The following NRXN3 variants were observed in gnomAD, a reference collection of about 807,000 sequenced individuals.
NRXN3 encodes the protein neurexin III.
NRXN3 carries 32 observed loss-of-function variants against 137.6 expected under a neutral mutation model. The ratio of observed to expected loss-of-function variants is 0.23; its 90% CI spans 0.18 to 0.31. NRXN3 has a LOEUF of 0.31. Among genes scored for constraint, NRXN3 ranks in the 10% least tolerant of loss-of-function variants. The pLI is 1.00. For synonymous variants in NRXN3, 798 were observed against 784.5 expected, an observed-to-expected ratio of 1.02 and a Z score of -0.29; for missense variants, 1,574 against 2,062.5, an observed-to-expected ratio of 0.76 and a Z score of 4.59.
At chr14:79,724,690 C>T (rs1459912981) in intron 19 of NRXN3, among the ~76,000 whole-genome samples, 1 of 152,058 alleles carries the variant, frequency 6.6e-6, no homozygotes, top group Non-Finnish European at 1.5e-5. Context: ...TGGAGAAAAA[C>T]AACCAATTTT....
intron 15 of NRXN3, among the ~76,000 whole-genome samples, chr14:79,317,710 A>G (rs2089140085): frequency 6.6e-6 from 1 of 152,246 alleles, no homozygotes; most frequent in African/African-American, 2.4e-5. Context: ...AGTGGGATAC[A>G]TACATTGGAG....
chr14:78,975,623 A>G (rs1369791526), intron 14 of NRXN3, among the ~76,000 whole-genome samples: 1 of 152,158 alleles, frequency 6.6e-6, no homozygotes, highest in Non-Finnish European at 1.5e-5. Flanking sequence ...AGAAACAGAG[A>G]GCAGATTCAG....
At position 79,823,359 on chromosome 14, in the gene NRXN3, G is replaced by A. The variant is rs534185819; in HGVS notation, c.4093+18169G>A. Among the ~76,000 whole-genome samples, 100 of 152,224 alleles carry A rather than the reference G, an allele frequency of 6.6e-4. 1 individual carries two copies. The South Asian group carries it at 0.019, about 28-fold the overall frequency. ...TGTAAGAATTGTATTATCAATAACA[G>A]ACTTAACAGTGATTATCTCTAGGTG... is the stretch of plus-strand genomic sequence containing the variant. On this transcript the variant is annotated intron_variant, in intron 20 of 20. Coordinates refer to ENST00000335750, the MANE Select transcript of NRXN3 (RefSeq NM_001330195.2).
intron 4 of NRXN3, among the ~76,000 whole-genome samples, chr14:78,307,622 T>C (rs913100219): frequency 3.3e-5 from 5 of 152,158 alleles, no homozygotes; most frequent in Admixed American, 2.0e-4. Flanking sequence ...TTCTCTTTTT[T>C]CCTAAGGCAT....
At chr14:79,404,463 C>T (rs901801516) in intron 15 of NRXN3, among the ~76,000 whole-genome samples, 2 of 152,014 alleles carry the variant, frequency 1.3e-5, no homozygotes, top group African/African-American at 4.8e-5. Context: ...GTTTTTCTCT[C>T]CTATTCCACA....
intron 6 of NRXN3, among the ~76,000 whole-genome samples, chr14:78,654,377 G>A (rs1207181574): frequency 6.6e-6 from 1 of 152,176 alleles, no homozygotes; most frequent in African/African-American, 2.4e-5. Flanking sequence ...AATGAAACAA[G>A]GTGATTTTAT....
Position 79,532,631 on chromosome 14 carries a change from C to T in NRXN3, c.3444+65229C>T, listed in dbSNP as rs189449424. ...ATCATTTTCGATGTGTTCCATGATG[C>T]GAAAAAGTTAGAGAAGTACCATAGG... On this transcript the variant is annotated intron_variant, in intron 16 of 20. Coordinates refer to ENST00000335750, the MANE Select transcript of NRXN3 (RefSeq NM_001330195.2). Among the ~76,000 whole-genome samples, 125 of 152,164 alleles carry T rather than the reference C, an allele frequency of 8.2e-4. No individual in the cohort carries two copies. In the Middle Eastern group the frequency reaches 0.017, roughly 21 times the overall value.
At chr14:79,794,224 C>T (rs972256553) in intron 19 of NRXN3, among the ~76,000 whole-genome samples, 53 of 152,074 alleles carry the variant, frequency 3.5e-4, no homozygotes, top group Non-Finnish European at 6.2e-4. Context: ...ATTAGCAGGG[C>T]GTGGTGGCAG....
At chr14:79,564,646 G>A (rs1176218102) in intron 16 of NRXN3, among the ~76,000 whole-genome samples, 1 of 152,126 alleles carries the variant, frequency 6.6e-6, no homozygotes, top group Non-Finnish European at 1.5e-5. Flanking sequence ...TTTTCTGTGA[G>A]TGGTGCTGAA....
intron 10 of NRXN3, among the ~76,000 whole-genome samples, chr14:78,900,036 G>A (rs2099190414): frequency 6.6e-6 from 1 of 151,616 alleles, no homozygotes; most frequent in South Asian, 2.1e-4. Context: ...TTTTCACTTT[G>A]GTTTTCCCCA....
chr14:78,918,170 A>T (rs1567699604), intron 10 of NRXN3, among the ~76,000 whole-genome samples: 1 of 150,912 alleles, frequency 6.6e-6, no homozygotes, highest in South Asian at 2.1e-4. Context: ...CCGTAATCCC[A>T]GCTATTCAGG....
intron 8 of NRXN3, among the ~76,000 whole-genome samples, chr14:78,758,118 C>T (rs1218104997): frequency 6.6e-6 from 1 of 152,228 alleles, no homozygotes; most frequent in East Asian, 1.9e-4. Flanking sequence ...GCAAAATGAA[C>T]ATAGCCTTGT....
At chr14:79,696,611 G>C (rs1028541877) in intron 18 of NRXN3, among the ~76,000 whole-genome samples, 2 of 151,868 alleles carry the variant, frequency 1.3e-5, no homozygotes, top group Non-Finnish European at 2.9e-5. Flanking sequence ...TCTCATACTT[G>C]AGAGTTTTAT....
intron 19 of NRXN3, among the ~76,000 whole-genome samples, chr14:79,770,681 C>G (rs560492562): frequency 6.7e-6 from 1 of 148,250 alleles, no homozygotes; most frequent in Non-Finnish European, 1.5e-5. Context: ...AGGAAAGATC[C>G]AAAATTGACA....
chr14:79,692,022 A>G, intron 17 of NRXN3, 151 bp from the exon 18 acceptor site: 1 of 582,512 alleles, frequency 1.7e-6, no homozygotes, highest in Non-Finnish European at 3.0e-6. Context: ...CTATCGACCA[A>G]GGGCAGAGTG....
At chr14:78,404,572 C>T (rs1169665696) in intron 4 of NRXN3, among the ~76,000 whole-genome samples, 1 of 152,088 alleles carries the variant, frequency 6.6e-6, no homozygotes, top group Non-Finnish European at 1.5e-5. Context: ...TGTTTTACTG[C>T]TCTAGAATCT....
chr14:78,859,426 G>A (rs1413889415), intron 10 of NRXN3, among the ~76,000 whole-genome samples: 1 of 152,158 alleles, frequency 6.6e-6, no homozygotes, highest in African/African-American at 2.4e-5. Context: ...CATCCAAGAT[G>A]TGATTCTCTA....
chr14:78,888,252 C>T (rs40982), intron 10 of NRXN3, among the ~76,000 whole-genome samples: 8,216 of 152,024 alleles, frequency 0.054, 729 homozygotes, highest in African/African-American at 0.19. Context: ...TGTAGGAAGT[C>T]CATGTCCCCT....
intron 4 of NRXN3, among the ~76,000 whole-genome samples, chr14:78,585,399 G>C (rs1402319582): frequency 1.3e-5 from 2 of 152,146 alleles, no homozygotes; most frequent in African/African-American, 4.8e-5. Flanking sequence ...CCAGAGAATG[G>C]AAGGTTTGGG....
Sources: allele counts gnomAD v4.1 joint callset (sites outside exome capture counted in the v4.1 genomes callset), GRCh38; gene constraint gnomAD v4.1.1; transcripts MANE v1.5; gene names NCBI Gene and HGNC (gene_info 2026-07-23, HGNC 2026-07-21).